The following FOXO3 variants were observed in gnomAD, a reference collection of about 807,000 sequenced individuals.
FOXO3 encodes forkhead box O3.
FOXO3 carries 4 observed loss-of-function variants against 41.9 expected under a neutral mutation model. The observed-to-expected ratio is 0.10, with a 90% CI of 0.05 to 0.22. The LOEUF is 0.22. Ranked by LOEUF, FOXO3 falls within the 10% of genes least tolerant of loss-of-function variation. FOXO3 has a pLI of 1.00. For missense variants in FOXO3, 534 were observed against 906.8 expected, an observed-to-expected ratio of 0.59 and a Z score of 5.28; for synonymous variants, 318 against 389.3, an observed-to-expected ratio of 0.82 and a Z score of 2.16.
intron 1 of FOXO3, among the ~76,000 whole-genome samples, chr6:108,580,265 C>T (rs1776376871): frequency 6.7e-6 from 1 of 148,416 alleles, no homozygotes; most frequent in African/African-American, 2.5e-5. Flanking sequence ...CTCGGCTCAC[C>T]ACAACCTCTG....
chr6:108,602,442 T>A (rs1009720829), intron 1 of FOXO3, among the ~76,000 whole-genome samples: 8 of 152,190 alleles, frequency 5.3e-5, no homozygotes, highest in African/African-American at 1.7e-4. Flanking sequence ...AGAAGATCTT[T>A]CAGAGTAACA....
chr6:108,617,511 C>T (rs1385019434), intron 1 of FOXO3, among the ~76,000 whole-genome samples: 1 of 151,820 alleles, frequency 6.6e-6, no homozygotes, highest in Non-Finnish European at 1.5e-5. Context: ...AGACAGATTG[C>T]CCTACATATA....
intron 1 of FOXO3, among the ~76,000 whole-genome samples, chr6:108,656,823 G>C (rs922291147): frequency 6.6e-6 from 1 of 152,218 alleles, no homozygotes; most frequent in Non-Finnish European, 1.5e-5. Flanking sequence ...TGTATGTAGA[G>C]ATCATGGATA....
Position 108,683,039 on chromosome 6 carries a change from T to G in FOXO3, c.*3247T>G, listed in dbSNP as rs1314442807. The stretch of plus-strand genomic sequence containing the variant: ...TGAGAACTGGCTGCCAGGCTCAGTG[T>G]ACCCCATTAACTGTGAATGAATCTG... On this transcript the variant is annotated 3_prime_UTR_variant, in exon 3 of 3. Coordinates refer to ENST00000406360, the MANE Select transcript of FOXO3 (RefSeq NM_001455.4). 1 of 152,638 alleles carries G rather than the reference T, an allele frequency of 6.6e-6. No individual in the cohort carries two copies. The highest frequency in any genetic ancestry group is 2.4e-5 in the African/African-American group (1 of 41,458). 9.5% of individuals were successfully genotyped at this position (152,638 alleles called of 1,614,324 possible).
At chr6:108,679,658 T>C (rs750140967) in intron 2 of FOXO3, among the ~76,000 whole-genome samples, 169 bp from the exon 3 acceptor site, 6 of 152,158 alleles carry the variant, frequency 3.9e-5, no homozygotes. Flanking sequence ...GCTTTGTCCT[T>C]AGGATTTCAG....
rs1324946774 is a variant in FOXO3, at chr6:108,682,920, C to T, written c.*3128C>T. On this transcript the variant is annotated 3_prime_UTR_variant, in exon 3 of 3. Coordinates refer to ENST00000406360, the MANE Select transcript of FOXO3 (RefSeq NM_001455.4). The stretch of plus-strand genomic sequence containing the variant: ...TAATGTTGAAAACATGACATGCGCT[C>T]TTGGGATCTGCTGTTCTCTCCAGGG... 2 of 152,654 alleles carry T rather than the reference C, an allele frequency of 1.3e-5. No homozygotes were observed. The highest frequency in any genetic ancestry group is 2.9e-5 in the Non-Finnish European group (2 of 68,040). The allele number at this position is 152,654 out of a possible 1,614,324, so 9.5% of individuals were successfully genotyped here.
chr6:108,563,125 G>C (rs946594948), intron 1 of FOXO3, among the ~76,000 whole-genome samples: 6 of 152,162 alleles, frequency 3.9e-5, no homozygotes, highest in Admixed American at 2.6e-4. Context: ...AATCTTAGTG[G>C]AGAATTCAAT....
intron 1 of FOXO3, among the ~76,000 whole-genome samples, chr6:108,598,605 A>T (rs1776957939): frequency 1.3e-5 from 2 of 152,166 alleles, no homozygotes; most frequent in African/African-American, 4.8e-5. Flanking sequence ...CAAAATTTTA[A>T]AAGGTCTGGG....
intron 1 of FOXO3, among the ~76,000 whole-genome samples, chr6:108,636,228 C>T (rs762702105): frequency 2.0e-5 from 3 of 152,154 alleles, no homozygotes; most frequent in Non-Finnish European, 2.9e-5. Flanking sequence ...CCTAGTGTAT[C>T]GATGTTGTTC....
rs188937326 is a variant in FOXO3 at position 108,605,582 on chromosome 6, A to G, written c.621+43753A>G. Reference sequence around the variant, plus strand: ...AAAGAAACAGGCCTAGATCAATTAAAAGCTTGCCTCAAATGACACTTCTGG... The same window carrying G: ...AAAGAAACAGGCCTAGATCAATTAAGAGCTTGCCTCAAATGACACTTCTGG... On this transcript the variant is annotated intron_variant, in intron 1 of 2. Coordinates refer to ENST00000406360, the MANE Select transcript of FOXO3 (RefSeq NM_001455.4). Among the ~76,000 whole-genome samples, 104 of 152,328 alleles carry G rather than the reference A, an allele frequency of 6.8e-4. 1 individual carries two copies. Among genetic ancestry groups the G allele is most frequent in the Admixed American group, 6.1e-3 (93 of 15,300 alleles).
At chr6:108,619,968 A>G (rs1484996169) in intron 1 of FOXO3, among the ~76,000 whole-genome samples, 1 of 152,202 alleles carries the variant, frequency 6.6e-6, no homozygotes, top group African/African-American at 2.4e-5. Context: ...TTCATATCCT[A>G]AACCTGTCTG....
At chr6:108,585,516 A>AG (rs1776557785) in intron 1 of FOXO3, among the ~76,000 whole-genome samples, 1 of 152,138 alleles carries the variant, frequency 6.6e-6, no homozygotes, top group African/African-American at 2.4e-5. Flanking sequence ...TGCATTATTG[A>AG]GATTGGAGCC....
intron 1 of FOXO3, among the ~76,000 whole-genome samples, chr6:108,575,408 C>T (rs1395644999): frequency 6.7e-6 from 1 of 150,000 alleles, no homozygotes; most frequent in Admixed American, 6.6e-5. Context: ...GAAAAAAAAA[C>T]CTCGATGTAA....
intron 2 of FOXO3, among the ~76,000 whole-genome samples, chr6:108,668,312 G>A (rs986482106): frequency 6.6e-6 from 1 of 152,194 alleles, no homozygotes; most frequent in Non-Finnish European, 1.5e-5. Context: ...TTTAGACCAC[G>A]TGTAGAATTC....
chr6:108,639,466 C>T (rs1342962230), intron 1 of FOXO3: 7 of 735,964 alleles, frequency 9.5e-6, no homozygotes, highest in Non-Finnish European at 1.2e-5. Context: ...CCAATAAGAC[C>T]ATGTTCTTTC....
chr6:108,674,898 A>G (rs1444150854), intron 2 of FOXO3, among the ~76,000 whole-genome samples: 1 of 152,210 alleles, frequency 6.6e-6, no homozygotes, highest in Non-Finnish European at 1.5e-5. Flanking sequence ...TTTAAAAAGA[A>G]CATAATCTAA....
intron 2 of FOXO3, among the ~76,000 whole-genome samples, chr6:108,668,631 A>G (rs1216815417): frequency 6.6e-6 from 1 of 152,168 alleles, no homozygotes; most frequent in Admixed American, 6.5e-5. Context: ...TGGAGACACC[A>G]TTAGGGAGCA....
intron 1 of FOXO3, among the ~76,000 whole-genome samples, chr6:108,595,952 T>C (rs1285525744): frequency 1.3e-5 from 2 of 152,348 alleles, no homozygotes; most frequent in Non-Finnish European, 2.9e-5. Flanking sequence ...AATATTTTAA[T>C]GGTGGCAGGC....
Position 108,561,131 on chromosome 6 carries a change from G to A in FOXO3, c.-78G>A. 2.7e-6 allele frequency: 4 copies of A among 1,461,278 alleles called. No homozygotes were observed. The highest frequency in any genetic ancestry group is 3.6e-6 in the Non-Finnish European group (4 of 1,114,668). The allele number at this position is 1,461,278 out of a possible 1,614,324, so 90.5% of individuals were successfully genotyped here. A position where few individuals can be genotyped will look rare whatever the true frequency, so the allele number is the denominator to read the frequency against. ...GAGCCGGAGCCTTCGCGGCGTCCAC[G>A]TCCCTCCCCCGCTGCACCCCGCCCC... On this transcript the variant is annotated 5_prime_UTR_variant, in exon 1 of 3. Coordinates refer to ENST00000406360, the MANE Select transcript of FOXO3 (RefSeq NM_001455.4).
Sources: gnomAD v4.1 joint callset for allele counts (sites outside exome capture counted in the v4.1 genomes callset) on GRCh38, gnomAD v4.1.1 for gene constraint, MANE v1.5 for transcripts, NCBI Gene and HGNC (gene_info 2026-07-23, HGNC 2026-07-21) for gene names.